The following TAFA4 variants were observed in gnomAD, a reference collection of about 807,000 sequenced individuals.
TAFA4 encodes chemokine-like protein TAFA-4.
TAFA4 carries 20 observed loss-of-function variants against 21.1 expected under a neutral mutation model. The ratio of observed to expected loss-of-function variants is 0.95; its 90% CI spans 0.67 to 1.38. The LOEUF (loss-of-function observed/expected upper bound fraction) is 1.38, where lower values mean the gene tolerates loss of function less well. TAFA4 is among the 40% of genes most tolerant of loss of function. The pLI, the probability that TAFA4 is intolerant of heterozygous loss-of-function variation, is 0.00. For synonymous variants in TAFA4, 71 were observed against 67.4 expected, an observed-to-expected ratio of 1.05 and a Z score of -0.26; for missense variants, 211 against 180.9, an observed-to-expected ratio of 1.17 and a Z score of -0.95.
chr3:68,858,793 C>A (rs1705131310), intron 3 of TAFA4, among the ~76,000 whole-genome samples: 1 of 151,888 alleles, frequency 6.6e-6, no homozygotes, highest in Non-Finnish European at 1.5e-5. Context: ...GACCCTAGAG[C>A]CCAAACTCTT....
intron 3 of TAFA4, among the ~76,000 whole-genome samples, chr3:68,862,878 C>T (rs2089364826): frequency 6.6e-6 from 1 of 151,842 alleles, no homozygotes; most frequent in Admixed American, 6.6e-5. Context: ...CACACACACA[C>T]ACAATCATTT....
intron 3 of TAFA4, among the ~76,000 whole-genome samples, chr3:68,874,085 G>C (rs955848248): frequency 6.6e-6 from 1 of 151,890 alleles, no homozygotes; most frequent in African/African-American, 2.4e-5. Context: ...ATCCCCAACA[G>C]CTAAGAAAAA....
At chr3:68,844,534 TCTTAGTTATTTCTTGC>T (rs1345301574) in intron 3 of TAFA4, among the ~76,000 whole-genome samples, 1 of 152,162 alleles carries the variant, frequency 6.6e-6, no homozygotes, top group East Asian at 1.9e-4. Context: ...TCTGCTCTGA[TCTTAGTTATTTCTTGC>T]CTTCTGCTAG....
chr3:68,733,197 A>C, intron 5 of TAFA4, 44 bp from the exon 6 acceptor site: 1 of 1,598,814 alleles, frequency 6.3e-7, no homozygotes, highest in Non-Finnish European at 8.5e-7. Context: ...CTCTATACCC[A>C]CCGAAATAAC....
chr3:68,885,491 T>G (rs1034771623), intron 1 of TAFA4, among the ~76,000 whole-genome samples, 181 bp from the exon 2 acceptor site: 1 of 152,094 alleles, frequency 6.6e-6, no homozygotes, highest in Non-Finnish European at 1.5e-5. Flanking sequence ...GGAAAAGATA[T>G]AGAATTCTAC....
intron 3 of TAFA4, among the ~76,000 whole-genome samples, chr3:68,823,513 G>T (rs181948734): frequency 7.6e-4 from 115 of 152,168 alleles, no homozygotes; most frequent in Non-Finnish European, 1.2e-3. Flanking sequence ...GTAAACATGT[G>T]CCCTGGTGGT....
chr3:68,814,124 C>T (rs560718130), intron 3 of TAFA4, among the ~76,000 whole-genome samples: 36 of 152,198 alleles, frequency 2.4e-4, no homozygotes, highest in Admixed American at 1.0e-3. Flanking sequence ...CAACCCTTCA[C>T]GCTAAAAACT....
chr3:68,753,422 A>G (rs1228089598), intron 3 of TAFA4, among the ~76,000 whole-genome samples: 3 of 144,332 alleles, frequency 2.1e-5, no homozygotes, highest in African/African-American at 5.2e-5. Flanking sequence ...TGCAACCTCT[A>G]CCTCCTGGAT....
chr3:68,738,748 G>A (rs1303438381), intron 5 of TAFA4, among the ~76,000 whole-genome samples: 1 of 152,190 alleles, frequency 6.6e-6, no homozygotes, highest in Non-Finnish European at 1.5e-5. Flanking sequence ...TCATCTGGAT[G>A]TGGATTCTTG....
At chr3:68,807,077 G>C (rs1703717092) in intron 3 of TAFA4, among the ~76,000 whole-genome samples, 2 of 152,192 alleles carry the variant, frequency 1.3e-5, no homozygotes. Context: ...CCAGCATGAA[G>C]CATGCTAACT....
intron 1 of TAFA4, among the ~76,000 whole-genome samples, chr3:68,900,648 G>T (rs756626667): frequency 6.6e-6 from 1 of 152,118 alleles, no homozygotes; most frequent in South Asian, 2.1e-4. Context: ...CTGGAGCTCC[G>T]TGAGGGCAAA....
At chr3:68,868,037 T>A (rs1050425542) in intron 3 of TAFA4, among the ~76,000 whole-genome samples, 1 of 151,984 alleles carries the variant, frequency 6.6e-6, no homozygotes, top group African/African-American at 2.4e-5. Flanking sequence ...ATTCTCCAAC[T>A]AAAAGACATA....
intron 3 of TAFA4, among the ~76,000 whole-genome samples, chr3:68,870,830 C>T (rs991480457): frequency 1.1e-4 from 17 of 151,994 alleles, no homozygotes; most frequent in Non-Finnish European, 1.9e-4. Flanking sequence ...TGAGAACATG[C>T]AGTGTTTGGT....
intron 1 of TAFA4, among the ~76,000 whole-genome samples, chr3:68,924,634 T>C (rs558167032): frequency 1.7e-4 from 26 of 152,334 alleles, no homozygotes; most frequent in African/African-American, 6.3e-4. Context: ...ATAAATTTTA[T>C]CTTTTTTACC....
Position 68,885,227 on chromosome 3 carries a change from T to C in TAFA4, c.-39A>G. ...AGTCAAACACACTTATTCCAGGATATATTTCAGAGTGACTCCAAATTCCCA... is the reference window on the plus strand; with the variant it reads ...AGTCAAACACACTTATTCCAGGATACATTTCAGAGTGACTCCAAATTCCCA... On this transcript the variant is annotated 5_prime_UTR_variant, in exon 2 of 6. In the 5' UTR this introduces an upstream ATG that the reference lacks. Transcript: ENST00000295569. The C allele has an allele frequency of 6.3e-7, 1 of 1,599,548 alleles. No individual in the cohort carries two copies. The highest frequency in any genetic ancestry group is 8.5e-7 in the Non-Finnish European group (1 of 1,172,036).
At chr3:68,770,090 GA>G (rs1020856588) in intron 3 of TAFA4, among the ~76,000 whole-genome samples, 2 of 150,946 alleles carry the variant, frequency 1.3e-5, no homozygotes, top group Non-Finnish European at 3.0e-5. Flanking sequence ...TCAGATCCAT[GA>G]AAAAAAAATA....
chr3:68,871,282 A>G (rs1397334610), intron 3 of TAFA4, among the ~76,000 whole-genome samples: 1 of 152,140 alleles, frequency 6.6e-6, no homozygotes, highest in African/African-American at 2.4e-5. Flanking sequence ...CACTATTTAC[A>G]ATACCAACTC....
intron 3 of TAFA4, among the ~76,000 whole-genome samples, chr3:68,841,465 A>G (rs1704664777): frequency 6.6e-6 from 1 of 152,216 alleles, no homozygotes; most frequent in Non-Finnish European, 1.5e-5. Flanking sequence ...CTGACCCACA[A>G]CTAAATCACA....
chr3:68,807,459 T>G (rs1265071768), intron 3 of TAFA4, among the ~76,000 whole-genome samples: 1 of 152,168 alleles, frequency 6.6e-6, no homozygotes, highest in Non-Finnish European at 1.5e-5. Context: ...ACATGGGGCA[T>G]TGTAGCTTGT....
Sources: allele counts gnomAD v4.1 joint callset (sites outside exome capture counted in the v4.1 genomes callset), GRCh38; gene constraint gnomAD v4.1.1; transcripts MANE v1.5; gene names NCBI Gene and HGNC (gene_info 2026-07-23, HGNC 2026-07-21).